SLC13A4: variants seen among roughly 807,000 people sequenced by gnomAD.
SLC13A4 encodes Na(+)/sulfate cotransporter SUT-1.
SLC13A4 carries 28 observed loss-of-function variants against 72.7 expected under a neutral mutation model. That is an observed-to-expected ratio of 0.39 (90% CI 0.29 to 0.53). The LOEUF is 0.53. Among genes scored for constraint, SLC13A4 ranks in the 20% least tolerant of loss-of-function variants. SLC13A4 has a pLI of 0.78. For synonymous variants in SLC13A4, 312 were observed against 325.5 expected (o/e 0.96, Z 0.45); for missense variants, 653 against 788.0 (o/e 0.83, Z 2.05).
Position 135,682,791 on chromosome 7 carries a change from T to C in SLC13A4, c.1747-1091A>G, listed in dbSNP as rs548007219. Among the ~76,000 whole-genome samples, 90 of 152,186 alleles carry C rather than the reference T, an allele frequency of 5.9e-4. 3 individuals carry two copies. In the South Asian group the frequency reaches 0.017, roughly 28 times the overall value. ...TCTTGTCACCTGGTACCTTTGAAAA[T>C]TACTGCCTCTGATCATTTGATTCCA... On this transcript the variant is annotated intron_variant, in intron 15 of 15. Coordinates refer to ENST00000682651, the MANE Select transcript of SLC13A4 (RefSeq NM_001318192.2).
At chr7:135,683,379 C>T in intron 15 of SLC13A4, 1 of 983,650 alleles carries the variant, frequency 1.0e-6, no homozygotes, top group Non-Finnish European at 1.2e-6. Context: ...TCTTCCTTTC[C>T]TCTATTTGTT....
chr7:135,692,243 T>G, intron 11 of SLC13A4, 80 bp downstream of exon 11: 1 of 959,494 alleles, frequency 1.0e-6, no homozygotes, highest in Non-Finnish European at 1.7e-6. Context: ...GCTTCATATC[T>G]GCCCCTGAGA....
At chr7:135,712,973 C>T (rs544230259) in intron 2 of SLC13A4, among the ~76,000 whole-genome samples, 4 of 152,336 alleles carry the variant, frequency 2.6e-5, no homozygotes, top group Non-Finnish European at 5.9e-5. Context: ...CGCTCTTGCC[C>T]TTGGCTAGCT....
Position 135,695,419 on chromosome 7 carries a change from A to G in SLC13A4, c.968T>C (p.Ile323Thr), listed in dbSNP as rs151193982. The G allele has an allele frequency of 7.4e-6, 12 of 1,614,076 alleles. No individual in the cohort carries two copies. The African/African-American group carries it at 1.3e-4, about 18-fold the overall frequency. ...CCAGAACCAGCTGACCACCAGCATG[A>G]TGAGGGATATGGGGAAGCTGAAGAG... Reference protein sequence around the residue: ...WFLFSFPISLIMLVVSWFWMH... With the variant: ...WFLFSFPISLTMLVVSWFWMH... The change falls in exon 9 of 16, where the codon ATC becomes ACC. Residue 323 changes from isoleucine (I) to threonine (T), a missense_variant. Transcript: ENST00000682651.
At chr7:135,700,780 G>T (rs1029813282) in intron 7 of SLC13A4, among the ~76,000 whole-genome samples, 1 of 152,104 alleles carries the variant, frequency 6.6e-6, no homozygotes, top group Non-Finnish European at 1.5e-5. Flanking sequence ...GAGTAGCTGG[G>T]ACTACAGGCA....
rs1273344847 is a variant in SLC13A4, at chr7:135,708,266, G to T, written c.229-16C>A. 2.5e-6 allele frequency: 4 copies of T among 1,613,854 alleles called. No homozygotes were observed. The highest frequency in any genetic ancestry group is 1.3e-5 in the African/African-American group (1 of 74,940). ...CCGCCGCCACCTGTAGGGAGGCCAG[G>T]CATGTCAGTCACCCTCCCGGACCAA... On this transcript the variant is annotated splice_polypyrimidine_tract_variant and intron_variant, in intron 2 of 15. Coordinates refer to ENST00000682651, the MANE Select transcript of SLC13A4 (RefSeq NM_001318192.2).
chr7:135,715,552 A>G (rs1381767269), intron 2 of SLC13A4, among the ~76,000 whole-genome samples: 1 of 151,910 alleles, frequency 6.6e-6, no homozygotes, highest in Non-Finnish European at 1.5e-5. Flanking sequence ...TGCTGGGGAA[A>G]GGATAGAGAC....
chr7:135,718,057 G>A (rs1796466782), intron 2 of SLC13A4, among the ~76,000 whole-genome samples: 1 of 112,498 alleles, frequency 8.9e-6, no homozygotes, highest in South Asian at 3.0e-4. Flanking sequence ...AATTAATCAA[G>A]TGAGCCAATT....
chr7:135,694,319 C>G, intron 9 of SLC13A4, 81 bp from the exon 10 acceptor site: 1 of 833,928 alleles, frequency 1.2e-6, no homozygotes, highest in Non-Finnish European at 2.0e-6. Flanking sequence ...AATACTAAAC[C>G]GCTTGCCTGC....
chr7:135,705,224 C>T (rs542521564), intron 5 of SLC13A4: 6 of 186,178 alleles, frequency 3.2e-5, no homozygotes, highest in African/African-American at 1.2e-4. Flanking sequence ...GCAGTGGCAT[C>T]GAGATGTGAA....
chr7:135,727,421 G>A lies in SLC13A4; in HGVS notation c.76C>T (p.Leu26=). 1 of 1,549,862 alleles carries A rather than the reference G, an allele frequency of 6.5e-7. No homozygotes were observed. The highest frequency in any genetic ancestry group is 1.2e-5 in the South Asian group (1 of 83,986). ...ACGCTGCTGGGGTGGAGGACGGGCA[G>A]AGGCAGCAGCAGGAGCGGGACGCAG... is the stretch of plus-strand genomic sequence containing the variant. ...VVCVPLLLLP[L]PVLHPSSEAS... Residue 26 remains leucine, a synonymous_variant, in exon 1 of 16, where the codon CTG becomes TTG. Coordinates refer to ENST00000682651, the MANE Select transcript of SLC13A4 (RefSeq NM_001318192.2).
intron 2 of SLC13A4, among the ~76,000 whole-genome samples, chr7:135,717,731 G>T (rs868600811): frequency 6.6e-6 from 1 of 152,164 alleles, no homozygotes. Context: ...GGGGTGCCCA[G>T]ATTAAGCATT....
At chr7:135,704,379 C>CA (rs1341601441) in intron 5 of SLC13A4, 1 of 152,722 alleles carries the variant, frequency 6.5e-6, no homozygotes, top group Non-Finnish European at 1.5e-5. Flanking sequence ...ACTGAAATCT[C>CA]AGAGAGGGCA....
rs775200484 is a variant in SLC13A4, at chr7:135,721,461, AGGCACT to A, written c.156_161del (p.Val53_Pro54del). On this transcript the variant is annotated inframe_deletion, in exon 2 of 16. Coordinates refer to ENST00000682651, the MANE Select transcript of SLC13A4 (RefSeq NM_001318192.2). The stretch of plus-strand genomic sequence containing the variant: ...CCGGCACCAGGGCTGCAGCTCCCAG[AGGCACT>A]GCCTCCGACACCCAGTACACAGCAG... 6.2e-7 allele frequency: 1 copy of A among 1,614,034 alleles called. No individual in the cohort carries two copies. Among genetic ancestry groups the A allele is most frequent in the African/African-American group, 1.3e-5 (1 of 74,930 alleles).
At chr7:135,727,305 G>T in intron 1 of SLC13A4, 93 bp downstream of exon 1, 1 of 1,466,426 alleles carries the variant, frequency 6.8e-7, no homozygotes. Flanking sequence ...CACTTTGAGG[G>T]ACTGCCTGAG....
At chr7:135,707,797 A>T (rs1044038567) in intron 3 of SLC13A4, 1 of 223,214 alleles carries the variant, frequency 4.5e-6, no homozygotes, top group Non-Finnish European at 8.8e-6. Flanking sequence ...ATACACAGGA[A>T]ACAGGTTGGG....
At chr7:135,711,319 A>G (rs1796296389) in intron 2 of SLC13A4, among the ~76,000 whole-genome samples, 2 of 152,072 alleles carry the variant, frequency 1.3e-5, no homozygotes, top group African/African-American at 2.4e-5. Flanking sequence ...TTCTGCCTCT[A>G]TCATATCCCA....
chr7:135,719,440 T>C (rs77611266), intron 2 of SLC13A4, among the ~76,000 whole-genome samples: 4,097 of 152,276 alleles, frequency 0.027, 205 homozygotes, highest in African/African-American at 0.092. Flanking sequence ...TCATTTTTTT[T>C]CCTCTACCCT....
In SLC13A4 at chr7:135,694,192, C is replaced by G. The variant is rs1252796044; in HGVS notation, c.1066G>C (p.Glu356Gln). 1 of 1,613,302 alleles carries G rather than the reference C, an allele frequency of 6.2e-7. No individual in the cohort carries two copies. Among genetic ancestry groups the G allele is most frequent in the African/African-American group, 1.3e-5 (1 of 74,914 alleles). ...SLSKKKKTKR[E>Q]QLSEKRIQEE... is the part of the protein sequence containing the mutation. ...TGGATCCTCTTCTCTGACAACTGTT[C>G]CCTTTTGGTCTTCTTCTTCTTGCTC... The change falls in exon 10 of 16, where the codon GAA becomes CAA. Residue 356 changes from glutamate (E) to glutamine (Q), a missense_variant. Coordinates refer to ENST00000682651, the MANE Select transcript of SLC13A4 (RefSeq NM_001318192.2).
Sources: gnomAD v4.1 joint callset for allele counts (sites outside exome capture counted in the v4.1 genomes callset) on GRCh38, gnomAD v4.1.1 for gene constraint, MANE v1.5 for transcripts, NCBI Gene and HGNC (gene_info 2026-07-23, HGNC 2026-07-21) for gene names.